Variants in LRP2 observed in about 807,000 individuals in gnomAD.
The protein encoded by LRP2 is LDL receptor related protein 2.
Under a neutral mutation model 531.0 loss-of-function variants are expected in LRP2, and 172 were observed. The observed-to-expected ratio is 0.32, with a 90% confidence interval of 0.29 to 0.37. The LOEUF (loss-of-function observed/expected upper bound fraction) is 0.37, where lower values mean the gene tolerates loss of function less well. LRP2 is among the 10% of genes least tolerant of loss of function. LRP2 has a pLI of 1.00. For missense variants in LRP2, 5,167 were observed against 5,868.3 expected, an observed-to-expected ratio of 0.88 and a Z score of 3.90; for synonymous variants, 1,992 against 2,027.6, an observed-to-expected ratio of 0.98 and a Z score of 0.47.
chr2:169,176,062 A>G (rs1687181613), intron 54 of LRP2, among the ~76,000 whole-genome samples: 1 of 152,248 alleles, frequency 6.6e-6, no homozygotes, highest in Non-Finnish European at 1.5e-5. Flanking sequence ...CGGCATAGAC[A>G]TGGAAAAGAC....
Position 169,188,102 on chromosome 2 carries a change from G to A in LRP2, c.9196C>T (p.His3066Tyr). 6.2e-7 allele frequency: 1 copy of A among 1,614,078 alleles called. No individual in the cohort carries two copies. Among genetic ancestry groups the A allele is most frequent in the Non-Finnish European group, 8.5e-7 (1 of 1,180,016 alleles). Reference protein sequence around the residue: ...DCGDGSDELMHLCHTPEPTCP... With the variant: ...DCGDGSDELMYLCHTPEPTCP... ...GTGGGTTCTGGGGTGTGGCACAGGT[G>A]CATCAGCTCATCAGATCCGTCTCCA... Residue 3066 changes from histidine (H) to tyrosine (Y), a missense_variant, in exon 49 of 79, where the codon CAC becomes TAC. His to Tyr is a moderately conservative substitution (Grantham distance 83). This residue lies in a region of LRP2 where 1,129 missense variants were observed against 1,362.7 expected (regional missense o/e 0.83). Coordinates refer to ENST00000649046, the MANE Select transcript of LRP2 (RefSeq NM_004525.3).
chr2:169,212,655 T>C (rs1688634387), intron 36 of LRP2, among the ~76,000 whole-genome samples: 1 of 151,842 alleles, frequency 6.6e-6, no homozygotes, highest in African/African-American at 2.4e-5. Context: ...TTATTCAAAG[T>C]GAAGTAACTC....
chr2:169,256,579 A>T lies in LRP2; in HGVS notation c.2640-343T>A, dbSNP rs1429369726. Among the ~76,000 whole-genome samples the T allele has an allele frequency of 2.0e-5, 3 of 151,916 alleles. No homozygotes were observed. The East Asian group carries it at 5.8e-4, about 29-fold the overall frequency. On this transcript the variant is annotated intron_variant, in intron 18 of 78. Transcript: ENST00000649046. ...TATATTTCTTCCCTTTTTTTCTCCCATAAGTTACCTTGGCATTTCATCTTT... is the reference window on the plus strand; with the variant it reads ...TATATTTCTTCCCTTTTTTTCTCCCTTAAGTTACCTTGGCATTTCATCTTT...
At chr2:169,202,717 C>T (rs1688242674) in intron 43 of LRP2, 39 bp downstream of exon 43, 3 of 1,592,232 alleles carry the variant, frequency 1.9e-6, no homozygotes, top group African/African-American at 1.3e-5. Flanking sequence ...CATCAAGATG[C>T]CATTAGCTCC....
chr2:169,180,283 G>A (rs540074889), intron 52 of LRP2, among the ~76,000 whole-genome samples: 5 of 152,280 alleles, frequency 3.3e-5, no homozygotes, highest in African/African-American at 1.2e-4. Flanking sequence ...TTTAAGAGAG[G>A]ATACACACAC....
At chr2:169,345,890 C>T (rs973816544) in intron 1 of LRP2, among the ~76,000 whole-genome samples, 1 of 152,064 alleles carries the variant, frequency 6.6e-6, no homozygotes, top group Non-Finnish European at 1.5e-5. Flanking sequence ...AAACAAAAGT[C>T]AATTGTCTTT....
At chr2:169,131,497 G>A (rs1685288159) in intron 77 of LRP2, among the ~76,000 whole-genome samples, 1 of 152,136 alleles carries the variant, frequency 6.6e-6, no homozygotes, top group Non-Finnish European at 1.5e-5. Flanking sequence ...GTATAAAATG[G>A]TAAAATTTCC....
At chr2:169,133,701 C>A (rs1000920601) in intron 76 of LRP2, among the ~76,000 whole-genome samples, 2 of 152,176 alleles carry the variant, frequency 1.3e-5, no homozygotes, top group African/African-American at 4.8e-5. Context: ...GGCGCTGGGG[C>A]TATTGATGCA....
At chr2:169,153,223 G>A (rs1285090192) in intron 66 of LRP2, among the ~76,000 whole-genome samples, 2 of 152,146 alleles carry the variant, frequency 1.3e-5, no homozygotes, top group South Asian at 2.1e-4. Context: ...TCATTTAAAC[G>A]TATTTCAACA....
rs781641909 is a variant in LRP2 at position 169,185,686 on chromosome 2, A to C, written c.9662T>G (p.Leu3221Arg). 1 of 1,614,180 alleles carries C rather than the reference A, an allele frequency of 6.2e-7. No individual in the cohort carries two copies. The highest frequency in any genetic ancestry group is 8.5e-7 in the Non-Finnish European group (1 of 1,180,024). The change falls in exon 50 of 79, where the codon CTC becomes CGC. Residue 3221 changes from leucine (L) to arginine (R), a missense_variant. This residue lies in a region of LRP2 where 1,129 missense variants were observed against 1,362.7 expected (regional missense o/e 0.83). Coordinates refer to ENST00000649046, the MANE Select transcript of LRP2 (RefSeq NM_004525.3). ...NLTIDGYFYS[L>R]ILEGLDNVVA... is the part of the protein sequence containing the mutation. ...AACATTGTCCAGTCCTTCCAAGATGAGGGAGTAAAAATAGCCATCTATAGT... is the reference window on the plus strand; with the variant it reads ...AACATTGTCCAGTCCTTCCAAGATGCGGGAGTAAAAATAGCCATCTATAGT...
chr2:169,288,379 G>C (rs547633044), intron 9 of LRP2, among the ~76,000 whole-genome samples: 1 of 152,212 alleles, frequency 6.6e-6, no homozygotes, highest in Non-Finnish European at 1.5e-5. Context: ...GAAATAGTTG[G>C]TGTACTGGTG....
chr2:169,180,001 C>A (rs902294053), intron 52 of LRP2, among the ~76,000 whole-genome samples: 7 of 152,036 alleles, frequency 4.6e-5, no homozygotes, highest in Non-Finnish European at 1.0e-4. Context: ...AATCCATCTA[C>A]GTAAATAATC....
intron 72 of LRP2, among the ~76,000 whole-genome samples, chr2:169,139,910 C>A (rs981434728): frequency 6.6e-5 from 10 of 152,296 alleles, no homozygotes; most frequent in African/African-American, 2.4e-4. Context: ...CAAATGGAAA[C>A]CATGGTTATG....
At chr2:169,152,558 G>C (rs1421011736) in intron 67 of LRP2, among the ~76,000 whole-genome samples, 1 of 151,984 alleles carries the variant, frequency 6.6e-6, no homozygotes, top group Non-Finnish European at 1.5e-5. Flanking sequence ...ATTGACCTGG[G>C]TGCTTTCCCA....
At chr2:169,185,445 A>C (rs958948017) in intron 50 of LRP2, 58 bp downstream of exon 50, 3 of 1,555,608 alleles carry the variant, frequency 1.9e-6, no homozygotes, top group African/African-American at 2.7e-5. Flanking sequence ...TCAAGATGAA[A>C]ACATGGTTAG....
At chr2:169,157,611 A>G (rs1185954657) in intron 63 of LRP2, 109 bp from the exon 64 acceptor site, 1 of 1,253,066 alleles carries the variant, frequency 8.0e-7, no homozygotes, top group African/African-American at 1.5e-5. Flanking sequence ...ATCTTGAGAT[A>G]ACCCCTTTCC....
chr2:169,148,352 G>GAA (rs34767935), intron 68 of LRP2, among the ~76,000 whole-genome samples: 68,711 of 151,890 alleles, frequency 0.45, 16,292 homozygotes, highest in Admixed American at 0.59. Flanking sequence ...GTAGGGTGAT[G>GAA]AAAATGCTTT....
chr2:169,300,637 T>C (rs1001843499), intron 4 of LRP2, among the ~76,000 whole-genome samples: 1 of 152,130 alleles, frequency 6.6e-6, no homozygotes, highest in Non-Finnish European at 1.5e-5. Context: ...CATCCTTGTA[T>C]GATGGAAACT....
At chr2:169,328,441 T>TAAAAAAAAAAAAAAAAAAAAAAAAA (rs537210492) in intron 1 of LRP2, among the ~76,000 whole-genome samples, 1 of 49,142 alleles carries the variant, frequency 2.0e-5, no homozygotes, top group Non-Finnish European at 4.0e-5. Context: ...CGGGCCGGGA[T>TAAAAAAAAAAAAAAAAAAAAAAAAA]AAAAAAAAAA....
Sources: gnomAD v4.1 joint callset for allele counts (sites outside exome capture counted in the v4.1 genomes callset) on GRCh38, gnomAD v4.1.1 for gene constraint, gnomAD v4.1.1 regional missense constraint, MANE v1.5 for transcripts, NCBI Gene and HGNC (gene_info 2026-07-23, HGNC 2026-07-21) for gene names.